The following SRGAP1 variants were observed in gnomAD, a reference collection of about 807,000 sequenced individuals.
The protein encoded by SRGAP1 is SLIT-ROBO Rho GTPase-activating protein 1.
Under a neutral mutation model 121.9 loss-of-function variants are expected in SRGAP1, and 43 were observed. That is an observed-to-expected ratio of 0.35 (90% CI 0.28 to 0.46). SRGAP1 has a LOEUF of 0.46. Among genes scored for constraint, SRGAP1 ranks in the 20% least tolerant of loss-of-function variants. The pLI is 1.00. For synonymous variants in SRGAP1, 447 were observed against 485.4 expected (o/e 0.92, Z 1.04); for missense variants, 1,102 against 1,350.9 (o/e 0.82, Z 2.89).
chr12:64,080,605 A>G lies in SRGAP1; in HGVS notation c.1408+235A>G, dbSNP rs60089009. Reference sequence around the variant, plus strand: ...AAATCTAGGGAGGGCTGGAAAGTCAATACCGAGCTCCTAGGGAGGGATCTT... The same window carrying G: ...AAATCTAGGGAGGGCTGGAAAGTCAGTACCGAGCTCCTAGGGAGGGATCTT... On this transcript the variant is annotated intron_variant, in intron 10 of 21. Transcript: ENST00000355086. The G allele has an allele frequency of 2.2e-4, 129 of 583,908 alleles. No individual in the cohort carries two copies. In the East Asian group the frequency reaches 4.0e-3, roughly 18 times the overall value. The allele number at this position is 583,908 out of a possible 1,614,324, so 36.2% of individuals were successfully genotyped here.
chr12:64,023,275 G>A (rs1486566223), intron 4 of SRGAP1, among the ~76,000 whole-genome samples: 1 of 150,938 alleles, frequency 6.6e-6, no homozygotes, highest in Non-Finnish European at 1.5e-5. Context: ...ATGTTAACAG[G>A]GCTGTGATCG....
At chr12:64,099,591 C>A (rs1212232147) in intron 15 of SRGAP1, among the ~76,000 whole-genome samples, 1 of 152,170 alleles carries the variant, frequency 6.6e-6, no homozygotes, top group East Asian at 1.9e-4. Flanking sequence ...AGCTGCACGT[C>A]CATTCCACGG....
At chr12:63,848,978 C>G (rs1423764380) in intron 1 of SRGAP1, among the ~76,000 whole-genome samples, 1 of 151,982 alleles carries the variant, frequency 6.6e-6, no homozygotes, top group Non-Finnish European at 1.5e-5. Context: ...AATTGTAAGA[C>G]AGAAGAATCA....
At chr12:63,927,246 C>G (rs533721302) in intron 1 of SRGAP1, among the ~76,000 whole-genome samples, 1 of 152,188 alleles carries the variant, frequency 6.6e-6, no homozygotes, top group Non-Finnish European at 1.5e-5. Flanking sequence ...CTAGAACTTG[C>G]GCTTTGTAAG....
intron 6 of SRGAP1, among the ~76,000 whole-genome samples, chr12:64,055,432 G>T (rs1309439170): frequency 6.6e-6 from 1 of 151,712 alleles, no homozygotes. Context: ...TACTGCCCAA[G>T]GTAATTTACA....
intron 1 of SRGAP1, among the ~76,000 whole-genome samples, chr12:63,937,663 C>T (rs1364020878): frequency 6.6e-6 from 1 of 152,164 alleles, no homozygotes; most frequent in Non-Finnish European, 1.5e-5. Context: ...TGTACAGGGA[C>T]CTTTAGCGTG....
chr12:63,976,557 A>G (rs1050853037), intron 1 of SRGAP1, among the ~76,000 whole-genome samples: 3 of 152,188 alleles, frequency 2.0e-5, no homozygotes, highest in African/African-American at 7.2e-5. Context: ...TCTATTATTT[A>G]TGTCCACGAA....
At chr12:64,130,291 C>T (rs894029163) in intron 21 of SRGAP1, among the ~76,000 whole-genome samples, 1 of 152,086 alleles carries the variant, frequency 6.6e-6, no homozygotes, top group African/African-American at 2.4e-5. Flanking sequence ...CCAAAGTGTC[C>T]AGGTGGCAAT....
At chr12:63,875,327 C>G (rs1452441381) in intron 1 of SRGAP1, among the ~76,000 whole-genome samples, 1 of 152,056 alleles carries the variant, frequency 6.6e-6, no homozygotes, top group African/African-American at 2.4e-5. Flanking sequence ...GATCAGGTTT[C>G]TAAATATTTT....
chr12:64,101,800 C>T (rs1488787474), intron 15 of SRGAP1, among the ~76,000 whole-genome samples: 1 of 152,090 alleles, frequency 6.6e-6, no homozygotes, highest in Non-Finnish European at 1.5e-5. Context: ...TTCTGACTGC[C>T]TTAAGGCTGT....
intron 1 of SRGAP1, among the ~76,000 whole-genome samples, chr12:63,864,585 C>T (rs1264662124): frequency 2.0e-5 from 3 of 152,170 alleles, no homozygotes; most frequent in Admixed American, 6.5e-5. Flanking sequence ...GTACCCATTT[C>T]AGAGCATTGC....
At chr12:63,884,486 G>A (rs1900304564) in intron 1 of SRGAP1, among the ~76,000 whole-genome samples, 1 of 152,114 alleles carries the variant, frequency 6.6e-6, no homozygotes, top group African/African-American at 2.4e-5. Context: ...GATCTAGCCA[G>A]GGTAGTTAGT....
chr12:64,027,819 C>T (rs1192936426), intron 4 of SRGAP1, among the ~76,000 whole-genome samples: 2 of 151,490 alleles, frequency 1.3e-5, no homozygotes, highest in Non-Finnish European at 2.9e-5. Context: ...ATACAATATA[C>T]GTGTCAATTT....
intron 1 of SRGAP1, among the ~76,000 whole-genome samples, chr12:63,908,078 T>C (rs2030306172): frequency 6.6e-6 from 1 of 152,212 alleles, no homozygotes; most frequent in African/African-American, 2.4e-5. Flanking sequence ...CATATGTATG[T>C]CCTTATGCCA....
intron 1 of SRGAP1, among the ~76,000 whole-genome samples, chr12:63,882,530 C>T (rs1362727183): frequency 6.6e-6 from 1 of 152,124 alleles, no homozygotes; most frequent in African/African-American, 2.4e-5. Flanking sequence ...GTTATCCACC[C>T]GCCTCGGCCT....
intron 8 of SRGAP1, among the ~76,000 whole-genome samples, chr12:64,068,296 AG>A (rs67950507): frequency 0.037 from 3,943 of 106,568 alleles, 408 homozygotes; most frequent in South Asian, 0.053. Context: ...AAAAAAAAAA[AG>A]TAGTAGGCAC....
At chr12:63,909,325 C>T (rs2030379956) in intron 1 of SRGAP1, among the ~76,000 whole-genome samples, 1 of 152,250 alleles carries the variant, frequency 6.6e-6, no homozygotes, top group Admixed American at 6.5e-5. Flanking sequence ...TGATCTTTCT[C>T]ACATGCAGAT....
In SRGAP1 at chr12:63,984,106, CA is replaced by C; in HGVS notation, c.232del (p.Thr78GlnfsTer20). The C allele has an allele frequency of 2.0e-6, 3 of 1,520,984 alleles. No homozygotes were observed. The highest frequency in any genetic ancestry group is 2.4e-5 in the East Asian group (1 of 40,992). 94.2% of individuals were successfully genotyped at this position (1,520,984 alleles called of 1,614,324 possible). Reference sequence around the variant, plus strand: ...GAGAAGTTAGCAGAAAGGTTCATGGCAAAAACAAGAAGCACTAAGGATCATC... The same window carrying C: ...GAGAAGTTAGCAGAAAGGTTCATGGCAAAACAAGAAGCACTAAGGATCATC... Reference protein sequence around the residue: ...NLEKLAERFMAKTRSTKDHQQ... With the variant: ...NLEKLAERFMXKTRSTKDHQQ... On this transcript the variant is annotated frameshift_variant, in exon 2 of 22. Coordinates refer to ENST00000355086, the MANE Select transcript of SRGAP1 (RefSeq NM_020762.4). LOFTEE classifies it high-confidence loss of function.
intron 1 of SRGAP1, chr12:63,878,757 A>C (rs1233709179): frequency 1.3e-5 from 2 of 152,204 alleles, no homozygotes; most frequent in African/African-American, 4.8e-5. Context: ...AGTCTGTTTC[A>C]CAGTCCACCT....
Sources: gnomAD v4.1 joint callset for allele counts (sites outside exome capture counted in the v4.1 genomes callset) on GRCh38, gnomAD v4.1.1 for gene constraint, MANE v1.5 for transcripts, NCBI Gene and HGNC (gene_info 2026-07-23, HGNC 2026-07-21) for gene names.